Variants in KCNN2 observed in about 807,000 individuals in gnomAD.
KCNN2 encodes small conductance calcium-activated potassium channel protein 2.
Under a neutral mutation model 55.5 loss-of-function variants are expected in KCNN2, and 24 were observed. The ratio of observed to expected loss-of-function variants is 0.43; its 90% CI spans 0.31 to 0.61. The LOEUF (loss-of-function observed/expected upper bound fraction) is 0.61. Ranked by LOEUF, KCNN2 falls within the 20% of genes least tolerant of loss-of-function variation. The probability of loss-of-function intolerance (pLI) is 0.08; values close to 1 mark genes in which losing one functional copy is unlikely to be tolerated. For synonymous variants in KCNN2, 431 were observed against 336.1 expected, an observed-to-expected ratio of 1.28 and a Z score of -3.09; for missense variants, 754 against 853.6, an observed-to-expected ratio of 0.88 and a Z score of 1.45.
chr5:114,334,867 C>T (rs990408117), intron 2 of KCNN2, among the ~76,000 whole-genome samples: 2 of 152,084 alleles, frequency 1.3e-5, no homozygotes, highest in Admixed American at 1.3e-4. Flanking sequence ...TTTGAAGGGA[C>T]AAATGCCCTG....
chr5:114,190,583 A>T (rs1753429288), intron 1 of KCNN2, among the ~76,000 whole-genome samples: 1 of 152,156 alleles, frequency 6.6e-6, no homozygotes, highest in Admixed American at 6.5e-5. Context: ...TTTAAACAAT[A>T]TATAGTATCT....
chr5:114,482,703 G>T (rs913649687), intron 5 of KCNN2, among the ~76,000 whole-genome samples: 45 of 151,882 alleles, frequency 3.0e-4, no homozygotes, highest in African/African-American at 1.0e-3. Context: ...GCCATAAAAA[G>T]GAACAAGATC....
chr5:114,079,949 T>A lies in KCNN2; in HGVS notation c.-271+23449T>A, dbSNP rs1466560127. Among the ~76,000 whole-genome samples, 3 of 152,052 alleles carry A rather than the reference T, an allele frequency of 2.0e-5. No homozygotes were observed. In the East Asian group the frequency reaches 5.8e-4, roughly 29 times the overall value. On this transcript the variant is annotated intron_variant, in intron 1 of 10. Transcript: ENST00000512097. ...ACTTAGATTGTCCTAGTCCACTCTG[T>A]CTCCTGTATGATTTTTTTATTCACT...
intron 3 of KCNN2, among the ~76,000 whole-genome samples, chr5:114,427,889 A>C (rs192540261): frequency 1.3e-5 from 2 of 152,206 alleles, no homozygotes; most frequent in Non-Finnish European, 2.9e-5. Context: ...ATAAATTGGT[A>C]CTATTAATCT....
At chr5:114,085,547 C>A (rs1750997441) in intron 1 of KCNN2, among the ~76,000 whole-genome samples, 1 of 151,854 alleles carries the variant, frequency 6.6e-6, no homozygotes, top group African/African-American at 2.4e-5. Context: ...ATATCTACAA[C>A]CTTAGTATAA....
chr5:114,214,807 A>G (rs945017872), intron 1 of KCNN2, among the ~76,000 whole-genome samples: 3 of 152,170 alleles, frequency 2.0e-5, no homozygotes, highest in Admixed American at 6.5e-5. Flanking sequence ...TAAAACAAAC[A>G]ACAAAAAACA....
Position 114,363,259 on chromosome 5 carries a change from A to G in KCNN2, c.1120A>G (p.Lys374Glu). 1 of 1,606,462 alleles carries G rather than the reference A, an allele frequency of 6.2e-7. No individual in the cohort carries two copies. Among genetic ancestry groups the G allele is most frequent in the Non-Finnish European group, 8.5e-7 (1 of 1,176,902 alleles). The change falls in exon 1 of 8, where the codon AAG becomes GAG. Residue 374 changes from lysine to glutamate, a missense_variant and splice_region_variant. Physicochemically the swap from Lys to Glu is moderately conservative, Grantham distance 56. This residue lies in a region of KCNN2 where 123 missense variants were observed against 204.9 expected (regional missense o/e 0.60). Transcript: ENST00000673685. ...ETELSWGAYD[K>E]ASLYSLALKC... ...CGAGCTGTCGTGGGGCGCCTACGAC[A>G]AGGTACAGGCTTGAACCCCAGCCCA...
chr5:114,352,583 C>T (rs1371834548), intron 2 of KCNN2, among the ~76,000 whole-genome samples: 1 of 151,410 alleles, frequency 6.6e-6, no homozygotes, highest in Non-Finnish European at 1.5e-5. Context: ...TCCCTCTATG[C>T]ATGGCTTTAG....
chr5:114,256,843 T>C (rs1297210656), intron 2 of KCNN2, among the ~76,000 whole-genome samples: 1 of 152,158 alleles, frequency 6.6e-6, no homozygotes, highest in Non-Finnish European at 1.5e-5. Context: ...TTATTTCTTT[T>C]GCTGTGCAGA....
intron 5 of KCNN2, 72 bp downstream of exon 5, chr5:114,473,236 T>C (rs1408362893): frequency 3.1e-6 from 3 of 969,732 alleles, no homozygotes; most frequent in South Asian, 2.8e-5. Context: ...ATATGGTTTT[T>C]ATTTTGACAT....
upstream of KCNN2, among the ~76,000 whole-genome samples, chr5:114,358,485 G>T (rs890303637): frequency 9.2e-5 from 14 of 152,162 alleles, no homozygotes; most frequent in African/African-American, 3.4e-4. Flanking sequence ...AGTGATGCTG[G>T]AAATAGATTT....
chr5:114,327,286 A>G (rs1362209726), intron 2 of KCNN2, among the ~76,000 whole-genome samples: 1 of 152,212 alleles, frequency 6.6e-6, no homozygotes, highest in East Asian at 1.9e-4. Flanking sequence ...ACTCAAAATC[A>G]ATATTTAGGA....
At chr5:114,272,936 G>A (rs1046482523) in intron 2 of KCNN2, among the ~76,000 whole-genome samples, 16 of 151,724 alleles carry the variant, frequency 1.1e-4, no homozygotes, top group African/African-American at 2.7e-4. Context: ...GTGCAGTTTC[G>A]TTACATAGGT....
intron 1 of KCNN2, among the ~76,000 whole-genome samples, chr5:114,190,628 A>G (rs1433086126): frequency 6.6e-6 from 1 of 152,164 alleles, no homozygotes; most frequent in Non-Finnish European, 1.5e-5. Context: ...TCTACAATAT[A>G]TGGTATCTAT....
chr5:114,439,303 CT>C (rs1463194065), intron 3 of KCNN2, among the ~76,000 whole-genome samples: 1 of 152,038 alleles, frequency 6.6e-6, no homozygotes, highest in East Asian at 1.9e-4. Flanking sequence ...TTTTTAGGTT[CT>C]TTTTTTAAAG....
chr5:114,162,374 G>T (rs1230976131), intron 1 of KCNN2, among the ~76,000 whole-genome samples: 1 of 152,160 alleles, frequency 6.6e-6, no homozygotes, highest in Non-Finnish European at 1.5e-5. Context: ...TTTTGTCTCA[G>T]AGGAGTACCC....
At chr5:114,461,465 A>C (rs1339992888) in intron 3 of KCNN2, among the ~76,000 whole-genome samples, 1 of 151,970 alleles carries the variant, frequency 6.6e-6, no homozygotes, top group African/African-American at 2.4e-5. Flanking sequence ...ATTCCAGGAG[A>C]TCAGTGATTG....
At chr5:114,323,993 G>T (rs902061894) in intron 2 of KCNN2, among the ~76,000 whole-genome samples, 4 of 151,980 alleles carry the variant, frequency 2.6e-5, no homozygotes, top group East Asian at 1.9e-4. Flanking sequence ...GTTCTATAAG[G>T]TCCTATAAAA....
At chr5:114,195,818 C>G (rs1034672513) in intron 1 of KCNN2, among the ~76,000 whole-genome samples, 15 of 151,906 alleles carry the variant, frequency 9.9e-5, no homozygotes, top group African/African-American at 3.6e-4. Flanking sequence ...TGATATTAGC[C>G]GTAGGTTTTT....
Sources: gnomAD v4.1 joint callset for allele counts (sites outside exome capture counted in the v4.1 genomes callset) on GRCh38, gnomAD v4.1.1 for gene constraint, gnomAD v4.1.1 regional missense constraint, MANE v1.5 for transcripts, NCBI Gene and HGNC (gene_info 2026-07-23, HGNC 2026-07-21) for gene names.